The following MDGA2 variants were observed in gnomAD, a reference collection of about 807,000 sequenced individuals.
MDGA2 encodes MAM domain containing glycosylphosphatidylinositol anchor 2, also known as MAM domain-containing glycosylphosphatidylinositol anchor protein 2.
A neutral mutation model predicts 117.8 loss-of-function variants in MDGA2; 40 were observed. The ratio of observed to expected loss-of-function variants is 0.34; its 90% CI spans 0.26 to 0.44. The LOEUF is 0.44. Ranked by LOEUF, MDGA2 falls within the 20% of genes least tolerant of loss-of-function variation. The pLI is 1.00. For synonymous variants in MDGA2, 452 were observed against 439.0 expected, an observed-to-expected ratio of 1.03 and a Z score of -0.37; for missense variants, 1,123 against 1,250.6, an observed-to-expected ratio of 0.90 and a Z score of 1.54.
chr14:47,256,799 G>GAGAAAGAGAGAAGGAAGGA (rs1887634692), intron 2 of MDGA2, among the ~76,000 whole-genome samples: 1 of 150,760 alleles, frequency 6.6e-6, no homozygotes, highest in African/African-American at 2.4e-5. Context: ...GAAAGAAAGA[G>GAGAAAGAGAGAAGGAAGGA]AGAAAGAGAG....
intron 2 of MDGA2, among the ~76,000 whole-genome samples, chr14:47,256,799 G>A (rs529983185): frequency 1.1e-4 from 17 of 150,874 alleles, no homozygotes; most frequent in African/African-American, 3.9e-4. Context: ...GAAAGAAAGA[G>A]AGAAAGAGAG....
intron 1 of MDGA2, among the ~76,000 whole-genome samples, chr14:47,498,494 A>T (rs1467656185): frequency 6.6e-6 from 1 of 152,152 alleles, no homozygotes; most frequent in East Asian, 1.9e-4. Flanking sequence ...CCTCATTCTA[A>T]TCTACTGTTA....
intron 1 of MDGA2, among the ~76,000 whole-genome samples, chr14:47,401,441 G>A (rs543901589): frequency 6.6e-6 from 1 of 152,266 alleles, no homozygotes; most frequent in Non-Finnish European, 1.5e-5. Flanking sequence ...TGCCAGAAAA[G>A]GGCGATAATG....
intron 1 of MDGA2, among the ~76,000 whole-genome samples, chr14:47,664,268 C>T (rs1459171248): frequency 6.6e-6 from 1 of 152,126 alleles, no homozygotes; most frequent in African/African-American, 2.4e-5. Context: ...ACTGACACAA[C>T]CAGAATATTT....
chr14:46,944,998 C>T (rs1171649657), intron 9 of MDGA2, among the ~76,000 whole-genome samples: 1 of 151,926 alleles, frequency 6.6e-6, no homozygotes, highest in Non-Finnish European at 1.5e-5. Context: ...TAACATTTTC[C>T]TATTTTCTTT....
chr14:47,045,035 C>G (rs557919894), intron 7 of MDGA2, among the ~76,000 whole-genome samples: 4 of 152,196 alleles, frequency 2.6e-5, no homozygotes, highest in Non-Finnish European at 4.4e-5. Flanking sequence ...CAACTTCCCT[C>G]ACCCAGCAGG....
At chr14:47,374,061 T>C (rs952387035) in intron 1 of MDGA2, among the ~76,000 whole-genome samples, 2 of 152,160 alleles carry the variant, frequency 1.3e-5, no homozygotes, top group African/African-American at 4.8e-5. Flanking sequence ...AATATCTTTG[T>C]TATAAACCTA....
chr14:47,413,915 A>G (rs1367742532), intron 1 of MDGA2, among the ~76,000 whole-genome samples: 1 of 152,134 alleles, frequency 6.6e-6, no homozygotes, highest in African/African-American at 2.4e-5. Flanking sequence ...TCTGTTATGA[A>G]TATCATTAAA....
intron 6 of MDGA2, among the ~76,000 whole-genome samples, chr14:47,079,923 G>A (rs1890645367): frequency 6.6e-6 from 1 of 151,698 alleles, no homozygotes; most frequent in African/African-American, 2.4e-5. Flanking sequence ...AGTAGAGACG[G>A]GGTTTCACCG....
intron 6 of MDGA2, among the ~76,000 whole-genome samples, chr14:47,081,661 T>C (rs1455545669): frequency 6.6e-6 from 1 of 152,148 alleles, no homozygotes; most frequent in Non-Finnish European, 1.5e-5. Context: ...ATATATCATA[T>C]GTTAACTGGT....
intron 1 of MDGA2, among the ~76,000 whole-genome samples, chr14:47,568,550 T>C (rs1245594883): frequency 1.3e-5 from 2 of 152,206 alleles, no homozygotes; most frequent in East Asian, 3.9e-4. Context: ...AAAGTCTGTT[T>C]AACTGATCAT....
At chr14:47,047,796 A>C (rs1889317087) in intron 7 of MDGA2, among the ~76,000 whole-genome samples, 1 of 151,858 alleles carries the variant, frequency 6.6e-6, no homozygotes, top group South Asian at 2.1e-4. Context: ...GGTCAAACAA[A>C]GGTTTATATA....
intron 1 of MDGA2, among the ~76,000 whole-genome samples, chr14:47,547,587 G>T (rs1895489041): frequency 6.6e-6 from 1 of 152,174 alleles, no homozygotes; most frequent in Admixed American, 6.5e-5. Context: ...AGCTAAGAGA[G>T]AAATAGCATT....
chr14:47,408,417 T>G (rs1298747677), intron 1 of MDGA2, among the ~76,000 whole-genome samples: 1 of 152,150 alleles, frequency 6.6e-6, no homozygotes, highest in Non-Finnish European at 1.5e-5. Flanking sequence ...AGTAGACAAC[T>G]GTCTCTCGCT....
chr14:47,411,754 T>C (rs1385470463), intron 1 of MDGA2, among the ~76,000 whole-genome samples: 1 of 152,150 alleles, frequency 6.6e-6, no homozygotes. Context: ...GTCTGTCAAA[T>C]TCACAAATTC....
chr14:47,159,280 A>C (rs1883534142), intron 3 of MDGA2, among the ~76,000 whole-genome samples: 1 of 152,142 alleles, frequency 6.6e-6, no homozygotes, highest in African/African-American at 2.4e-5. Flanking sequence ...TTGTGCATGC[A>C]TGGAGGAGGA....
At position 47,327,248 on chromosome 14, in the gene MDGA2, A is replaced by G. The variant is rs141934946; in HGVS notation, c.281-25698T>C. Among the ~76,000 whole-genome samples the G allele has an allele frequency of 3.6e-3, 551 of 152,290 alleles. 5 individuals carry two copies. Among genetic ancestry groups the G allele is most frequent in the African/African-American group, 0.013 (523 of 41,566 alleles). Reference sequence around the variant, plus strand: ...CTTCCCCCTTTGTTCCATTGGCCTAATCCAATGAGAGCTCAGCTGAGTCAG... The same window carrying G: ...CTTCCCCCTTTGTTCCATTGGCCTAGTCCAATGAGAGCTCAGCTGAGTCAG... On this transcript the variant is annotated intron_variant, in intron 1 of 16. Transcript: ENST00000399232.
intron 3 of MDGA2, among the ~76,000 whole-genome samples, chr14:47,162,909 A>G (rs1883703567): frequency 6.6e-6 from 1 of 152,244 alleles, no homozygotes; most frequent in African/African-American, 2.4e-5. Flanking sequence ...ATGTGTATGT[A>G]TGTGCACATG....
At chr14:47,115,230 T>G (rs1157528501) in intron 5 of MDGA2, among the ~76,000 whole-genome samples, 1 of 152,052 alleles carries the variant, frequency 6.6e-6, no homozygotes, top group Non-Finnish European at 1.5e-5. Context: ...AAGAATATAA[T>G]ATCTTGATTG....
Sources: allele counts gnomAD v4.1 joint callset (sites outside exome capture counted in the v4.1 genomes callset), GRCh38; gene constraint gnomAD v4.1.1; transcripts MANE v1.5; gene names NCBI Gene and HGNC (gene_info 2026-07-23, HGNC 2026-07-21).